Variants in ADAMTS17 observed in about 807,000 individuals in gnomAD.
The protein encoded by ADAMTS17 is A disintegrin and metalloproteinase with thrombospondin motifs 17.
Under a neutral mutation model 141.5 loss-of-function variants are expected in ADAMTS17, and 113 were observed. The ratio of observed to expected loss-of-function variants is 0.80; its 90% confidence interval spans 0.69 to 0.93. The LOEUF (loss-of-function observed/expected upper bound fraction) is 0.93, where lower values mean the gene tolerates loss of function less well. Ranked by LOEUF, ADAMTS17 falls within the 40% of genes least tolerant of loss-of-function variation. ADAMTS17 has a pLI of 0.00. For missense variants in ADAMTS17, 1,659 were observed against 1,517.9 expected (o/e 1.09, Z -1.54); for synonymous variants, 768 against 630.6 (o/e 1.22, Z -3.27).
chr15:100,210,230 C>CA (rs34086690), intron 7 of ADAMTS17, among the ~76,000 whole-genome samples: 779 of 31,202 alleles, frequency 0.025, 124 homozygotes, highest in African/African-American at 0.034. Flanking sequence ...GACTCCATCT[C>CA]AAAAAAAAAA....
intron 8 of ADAMTS17, among the ~76,000 whole-genome samples, chr15:100,183,692 A>G (rs1003235744): frequency 3.9e-5 from 6 of 152,326 alleles, no homozygotes; most frequent in African/African-American, 1.4e-4. Flanking sequence ...ATTTTCAACT[A>G]CATCCTGAAT....
At position 100,053,886 on chromosome 15, in the gene ADAMTS17, C is replaced by T. The variant is rs1327892005; in HGVS notation, c.2295+11G>A. On this transcript the variant is annotated intron_variant, in intron 16 of 21. Coordinates refer to ENST00000268070, the MANE Select transcript of ADAMTS17 (RefSeq NM_139057.4). Reference sequence around the variant, plus strand: ...ACCCCCTAAGACAAGTGTGGAAGCCCAGCAAGTTACCATCAAGTGCAGCGG... The same window carrying T: ...ACCCCCTAAGACAAGTGTGGAAGCCTAGCAAGTTACCATCAAGTGCAGCGG... 1.2e-6 allele frequency: 2 copies of T among 1,614,056 alleles called. No individual in the cohort carries two copies. The highest frequency in any genetic ancestry group is 8.5e-7 in the Non-Finnish European group (1 of 1,180,022).
intron 7 of ADAMTS17, among the ~76,000 whole-genome samples, chr15:100,242,955 A>T (rs2042871203): frequency 6.6e-6 from 1 of 152,050 alleles, no homozygotes; most frequent in Non-Finnish European, 1.5e-5. Context: ...CAACTAAAAA[A>T]CTCTGCCCAT....
chr15:100,336,414 C>T (rs2046209507), intron 2 of ADAMTS17, among the ~76,000 whole-genome samples: 3 of 152,210 alleles, frequency 2.0e-5, no homozygotes, highest in South Asian at 2.1e-4. Flanking sequence ...CCAATACTTC[C>T]GTGCCTCTCA....
chr15:100,100,275 A>G (rs1224056566), intron 14 of ADAMTS17, among the ~76,000 whole-genome samples: 3 of 151,386 alleles, frequency 2.0e-5, no homozygotes, highest in Admixed American at 2.0e-4. Flanking sequence ...TGCTTCTTCG[A>G]CTCCGTGAAA....
chr15:100,312,713 G>C (rs948506561), intron 3 of ADAMTS17, among the ~76,000 whole-genome samples: 2 of 152,142 alleles, frequency 1.3e-5, no homozygotes, highest in African/African-American at 4.8e-5. Flanking sequence ...TCTGGAGAAG[G>C]TGACATCCAA....
At position 100,010,525 on chromosome 15, in the gene ADAMTS17, G is replaced by C. The variant is rs184668304; in HGVS notation, c.2592-12936C>G. On this transcript the variant is annotated intron_variant, in intron 18 of 21. Transcript: ENST00000268070. ...ACGTGTGCTGCGAGCCTATGGGTGA[G>C]AGGCTGTGGCAGGAGCTGGCCAGCC... 7.0e-4 allele frequency among the ~76,000 whole-genome samples: 107 copies of C among 152,330 alleles called. 1 individual carries two copies. Among genetic ancestry groups the C allele is most frequent in the African/African-American group, 2.0e-3 (85 of 41,586 alleles).
intron 18 of ADAMTS17, among the ~76,000 whole-genome samples, chr15:100,003,942 T>C (rs2060980924): frequency 6.6e-6 from 1 of 150,674 alleles, no homozygotes; most frequent in African/African-American, 2.5e-5. Context: ...GTTTGGATGG[T>C]GGTGATGGCT....
intron 7 of ADAMTS17, among the ~76,000 whole-genome samples, chr15:100,201,195 GTAATC>G (rs1238387256): frequency 1.3e-5 from 2 of 152,140 alleles, no homozygotes; most frequent in Non-Finnish European, 2.9e-5. Context: ...ATCTCAAATT[GTAATC>G]CCCATGTGTC....
At chr15:100,073,904 T>TA (rs2034176124) in intron 15 of ADAMTS17, among the ~76,000 whole-genome samples, 1 of 75,226 alleles carries the variant, frequency 1.3e-5, no homozygotes, top group African/African-American at 3.4e-5. Flanking sequence ...CCCTAAAACT[T>TA]AAAGTATAAT....
At chr15:100,078,215 C>T in intron 15 of ADAMTS17, among the ~76,000 whole-genome samples, 1 of 141,824 alleles carries the variant, frequency 7.1e-6, no homozygotes, top group East Asian at 2.0e-4. Context: ...AAAATCCCAG[C>T]TTTTTTTTTT....
intron 10 of ADAMTS17, among the ~76,000 whole-genome samples, chr15:100,136,771 T>G (rs1373670289): frequency 6.6e-6 from 1 of 152,224 alleles, no homozygotes; most frequent in Non-Finnish European, 1.5e-5. Context: ...TGGAAGGTCT[T>G]ATTCTCAGAT....
chr15:100,054,929 G>C (rs2032441591), intron 15 of ADAMTS17, among the ~76,000 whole-genome samples: 1 of 152,154 alleles, frequency 6.6e-6, no homozygotes, highest in African/African-American at 2.4e-5. Context: ...TCCCACTTCG[G>C]GGTGAAGATC....
chr15:100,037,496 C>T (rs988942798), intron 18 of ADAMTS17, among the ~76,000 whole-genome samples: 13 of 151,256 alleles, frequency 8.6e-5, no homozygotes, highest in African/African-American at 2.9e-4. Context: ...CTGCAACCTT[C>T]GCCTCTGGGG....
At chr15:100,265,783 C>T (rs545497025) in intron 4 of ADAMTS17, among the ~76,000 whole-genome samples, 2 of 152,358 alleles carry the variant, frequency 1.3e-5, no homozygotes, top group South Asian at 4.1e-4. Flanking sequence ...GAAAGCTATG[C>T]TCTGTAGCAC....
At chr15:100,139,434 C>T (rs1327651173) in intron 10 of ADAMTS17, among the ~76,000 whole-genome samples, 2 of 152,158 alleles carry the variant, frequency 1.3e-5, no homozygotes, top group African/African-American at 4.8e-5. Context: ...AGGGGGAGTG[C>T]CCCCGAGCTA....
intron 14 of ADAMTS17, among the ~76,000 whole-genome samples, chr15:100,099,062 C>A (rs1487843600): frequency 6.6e-6 from 1 of 152,214 alleles, no homozygotes; most frequent in Admixed American, 6.5e-5. Flanking sequence ...TCAACAGCTT[C>A]TAGATGCCCC....
intron 10 of ADAMTS17, 55 bp from the exon 11 acceptor site, chr15:100,133,370 A>C: frequency 2.0e-5 from 30 of 1,524,048 alleles, no homozygotes; most frequent in Non-Finnish European, 2.5e-5. Context: ...CTCACAGGTC[A>C]CAGCTGGGGT....
Position 100,281,221 on chromosome 15 carries a change from G to C in ADAMTS17, c.789+8C>G. 1 of 1,603,128 alleles carries C rather than the reference G, an allele frequency of 6.2e-7. No individual in the cohort carries two copies. Among genetic ancestry groups the C allele is most frequent in the South Asian group, 1.1e-5 (1 of 91,020 alleles). On this transcript the variant is annotated splice_region_variant and intron_variant, in intron 4 of 21. Coordinates refer to ENST00000268070, the MANE Select transcript of ADAMTS17 (RefSeq NM_139057.4). ...CCCCCCACATCAGGACCCCGGCTCCGGACTCACCATGTTCATGACGGTCAG... is the reference window on the plus strand; with the variant it reads ...CCCCCCACATCAGGACCCCGGCTCCCGACTCACCATGTTCATGACGGTCAG...
Sources: gnomAD v4.1 joint callset for allele counts (sites outside exome capture counted in the v4.1 genomes callset) on GRCh38, gnomAD v4.1.1 for gene constraint, MANE v1.5 for transcripts, NCBI Gene and HGNC (gene_info 2026-07-23, HGNC 2026-07-21) for gene names.